RBFOX1: variants seen among roughly 807,000 people sequenced by gnomAD.
RBFOX1 encodes the protein RNA binding fox-1 homolog 1, also known as RNA binding protein fox-1 homolog 1.
Under a neutral mutation model 57.7 loss-of-function variants are expected in RBFOX1, and 8 were observed. The ratio of observed to expected loss-of-function variants is 0.14; its 90% CI spans 0.08 to 0.25. The LOEUF is 0.25. RBFOX1 is among the 10% of genes least tolerant of loss of function. RBFOX1 has a pLI of 1.00. For missense variants in RBFOX1, 611 were observed against 548.5 expected, an observed-to-expected ratio of 1.11 and a Z score of -1.14; for synonymous variants, 326 against 222.4, an observed-to-expected ratio of 1.47 and a Z score of -4.15.
intron 1 of RBFOX1, among the ~76,000 whole-genome samples, chr16:5,389,115 C>T (rs967228277): frequency 1.1e-4 from 17 of 151,734 alleles, no homozygotes; most frequent in East Asian, 5.9e-4. Flanking sequence ...GGCGTGAACC[C>T]GGGAGGCGGA....
chr16:5,792,600 T>G (rs924458082), intron 3 of RBFOX1, among the ~76,000 whole-genome samples: 2 of 152,210 alleles, frequency 1.3e-5, no homozygotes, highest in African/African-American at 4.8e-5. Flanking sequence ...CCCAGCACTT[T>G]GGGAGGCTGA....
At chr16:5,789,915 A>AT (rs1281484037) in intron 3 of RBFOX1, among the ~76,000 whole-genome samples, 1 of 152,176 alleles carries the variant, frequency 6.6e-6, no homozygotes, top group African/African-American at 2.4e-5. Context: ...CCTGCAGTGT[A>AT]TGGGCTGTGC....
intron 3 of RBFOX1, among the ~76,000 whole-genome samples, chr16:6,688,314 G>GATGGTGCT (rs2059737280): frequency 6.6e-6 from 1 of 152,130 alleles, no homozygotes. Context: ...GCACTAGGGA[G>GATGGTGCT]ATGGTGCTAA....
In RBFOX1 at chr16:5,756,973, A is replaced by G. The variant is rs184506878; in HGVS notation, c.319-110330A>G. ...ATCTTAACACAATAGAAATTTACCAATGATTTAATGTTATTCTTAACACAA... is the reference window on the plus strand; with the variant it reads ...ATCTTAACACAATAGAAATTTACCAGTGATTTAATGTTATTCTTAACACAA... On this transcript the variant is annotated intron_variant, in intron 3 of 19. Transcript: ENST00000641259. 3.3e-4 allele frequency among the ~76,000 whole-genome samples: 50 copies of G among 152,350 alleles called. No individual in the cohort carries two copies. The East Asian group carries it at 8.5e-3, about 26-fold the overall frequency.
intron 4 of RBFOX1, among the ~76,000 whole-genome samples, chr16:7,208,385 T>C (rs113553622): frequency 1.8e-4 from 28 of 152,324 alleles, no homozygotes; most frequent in African/African-American, 6.7e-4. Context: ...CTTATGGTTC[T>C]GCAGGCTGTG....
At chr16:6,280,201 T>C (rs1211258230) in intron 1 of RBFOX1, among the ~76,000 whole-genome samples, 1 of 152,116 alleles carries the variant, frequency 6.6e-6, no homozygotes, top group Non-Finnish European at 1.5e-5. Flanking sequence ...CAGGGTGGCA[T>C]TGTCCAAAGA....
intron 1 of RBFOX1, among the ~76,000 whole-genome samples, chr16:6,238,337 A>G (rs1430201128): frequency 2.6e-5 from 4 of 152,058 alleles, no homozygotes; most frequent in Non-Finnish European, 5.9e-5. Context: ...TAATCCAGGA[A>G]CCTCTATCAC....
chr16:6,462,738 T>G (rs113090092), intron 2 of RBFOX1, among the ~76,000 whole-genome samples: 1 of 144,714 alleles, frequency 6.9e-6, no homozygotes, highest in Non-Finnish European at 1.5e-5. Context: ...CAATTTGAAG[T>G]CTTCCCGACG....
intron 4 of RBFOX1, among the ~76,000 whole-genome samples, chr16:7,438,757 G>GC (rs922009211): frequency 3.3e-5 from 5 of 152,148 alleles, no homozygotes; most frequent in African/African-American, 1.2e-4. Context: ...TTCTCCCTTT[G>GC]CACCACAGTG....
chr16:7,130,384 A>T (rs992770058), intron 4 of RBFOX1, among the ~76,000 whole-genome samples: 19 of 152,132 alleles, frequency 1.2e-4, no homozygotes, highest in African/African-American at 4.3e-4. Flanking sequence ...GTGTTTGTCC[A>T]TTGTGCTCTG....
chr16:7,533,928 T>C (rs1349846566), intron 5 of RBFOX1, among the ~76,000 whole-genome samples: 1 of 152,134 alleles, frequency 6.6e-6, no homozygotes, highest in Non-Finnish European at 1.5e-5. Flanking sequence ...GTCAATTAAT[T>C]CTAAAACCAA....
In RBFOX1 at chr16:7,648,565, A is replaced by G. The variant is rs560594555; in HGVS notation, c.758-5250A>G. On this transcript the variant is annotated intron_variant, in intron 11 of 15. Coordinates refer to ENST00000550418, the MANE Select transcript of RBFOX1 (RefSeq NM_018723.4). ...AAAGATGGGAAGAAACACAGAAGGC[A>G]CAGTCATAAGTCAGAAGAGTTTGGA... Among the ~76,000 whole-genome samples the G allele has an allele frequency of 2.6e-5, 4 of 152,328 alleles. No homozygotes were observed. The South Asian group carries it at 8.3e-4, about 32-fold the overall frequency.
At chr16:5,332,408 C>G (rs1008847545) in intron 1 of RBFOX1, among the ~76,000 whole-genome samples, 1 of 151,922 alleles carries the variant, frequency 6.6e-6, no homozygotes, top group Admixed American at 6.6e-5. Flanking sequence ...ATTACAGGTA[C>G]ATGCCACCAT....
chr16:6,532,206 G>A (rs996638018), intron 2 of RBFOX1, among the ~76,000 whole-genome samples: 3 of 152,160 alleles, frequency 2.0e-5, no homozygotes, highest in Admixed American at 2.0e-4. Context: ...ATCTTCCAGA[G>A]TGGGAAGGCA....
chr16:5,529,251 G>T (rs1021366280), intron 2 of RBFOX1, among the ~76,000 whole-genome samples: 3 of 151,988 alleles, frequency 2.0e-5, no homozygotes, highest in Admixed American at 2.0e-4. Flanking sequence ...GTTGAATTTT[G>T]TCCCCTCCCA....
intron 2 of RBFOX1, among the ~76,000 whole-genome samples, chr16:5,555,452 T>C (rs2045632330): frequency 6.6e-6 from 1 of 151,844 alleles, no homozygotes; most frequent in Non-Finnish European, 1.5e-5. Flanking sequence ...GGTTTCGCCA[T>C]CTTGACCAGG....
chr16:6,717,302 A>G (rs769738795), intron 3 of RBFOX1, among the ~76,000 whole-genome samples: 17 of 152,110 alleles, frequency 1.1e-4, no homozygotes, highest in Non-Finnish European at 7.3e-5. Context: ...TTGAGCCGCA[A>G]GCCTTGAACT....
intron 1 of RBFOX1, among the ~76,000 whole-genome samples, chr16:6,096,049 C>T (rs913727025): frequency 6.6e-6 from 1 of 152,210 alleles, no homozygotes; most frequent in Non-Finnish European, 1.5e-5. Flanking sequence ...CAATGGAAGT[C>T]TCATCATGTG....
At chr16:5,455,066 T>C (rs1026925413) in intron 1 of RBFOX1, among the ~76,000 whole-genome samples, 1 of 149,704 alleles carries the variant, frequency 6.7e-6, no homozygotes, top group Non-Finnish European at 1.5e-5. Flanking sequence ...TCTGTCTCTT[T>C]CTCTCCCTAT....
Sources: allele counts gnomAD v4.1 joint callset (sites outside exome capture counted in the v4.1 genomes callset), GRCh38; gene constraint gnomAD v4.1.1; transcripts MANE v1.5; gene names NCBI Gene and HGNC (gene_info 2026-07-23, HGNC 2026-07-21).